ERC1: variants seen among roughly 807,000 people sequenced by gnomAD.
The protein encoded by ERC1 is ELKS/RAB6-interacting/CAST family member 1.
A neutral mutation model predicts 132.0 loss-of-function variants in ERC1; 56 were observed. The observed-to-expected ratio is 0.42, with a 90% CI of 0.34 to 0.53. The LOEUF is 0.53. ERC1 is among the 20% of genes least tolerant of loss of function. The pLI, the probability that ERC1 is intolerant of heterozygous loss-of-function variation, is 0.03. For missense variants in ERC1, 1,202 were observed against 1,349.9 expected (o/e 0.89, Z 1.72); for synonymous variants, 478 against 476.1 (o/e 1.00, Z -0.05).
intron 15 of ERC1, among the ~76,000 whole-genome samples, chr12:1,314,447 T>G (rs2081544279): frequency 6.6e-6 from 1 of 152,188 alleles, no homozygotes; most frequent in Non-Finnish European, 1.5e-5. Flanking sequence ...AACAAGTATT[T>G]GAGTGTAAAG....
At chr12:1,126,150 A>G (rs1402419409) in intron 7 of ERC1, among the ~76,000 whole-genome samples, 1 of 152,242 alleles carries the variant, frequency 6.6e-6, no homozygotes, top group Non-Finnish European at 1.5e-5. Flanking sequence ...TACCTCTATT[A>G]AATTTTTAAA....
intron 8 of ERC1, among the ~76,000 whole-genome samples, chr12:1,144,707 T>TG (rs1241408741): frequency 1.3e-5 from 2 of 148,534 alleles, no homozygotes; most frequent in Admixed American, 1.3e-4. Context: ...GGTGGGCATT[T>TG]GGGCTGGTTC....
chr12:1,144,401 C>A (rs1470388042), intron 8 of ERC1, among the ~76,000 whole-genome samples: 1 of 151,978 alleles, frequency 6.6e-6, no homozygotes, highest in East Asian at 1.9e-4. Flanking sequence ...TATCCCTCAC[C>A]CATTCCCACT....
intron 12 of ERC1, among the ~76,000 whole-genome samples, chr12:1,207,137 C>T (rs1957417597): frequency 6.6e-6 from 1 of 152,108 alleles, no homozygotes; most frequent in African/African-American, 2.4e-5. Context: ...TTTCTAAAAT[C>T]TAATTCAAAT....
chr12:1,442,967 G>A (rs918527523), intron 17 of ERC1, among the ~76,000 whole-genome samples: 2 of 152,066 alleles, frequency 1.3e-5, no homozygotes, highest in African/African-American at 4.8e-5. Flanking sequence ...GAGTGCAGTG[G>A]TGTGATCTCG....
chr12:1,236,904 G>C lies in ERC1; in HGVS notation c.2487G>C (p.Gln829His), dbSNP rs750847414. The change falls in exon 13 of 19, where the codon CAG (glutamine) becomes CAC (histidine). Residue 829 changes from glutamine (Q) to histidine (H), a missense_variant and splice_region_variant. Physicochemically the swap from Gln to His is conservative, Grantham distance 24. Coordinates refer to ENST00000360905, the MANE Select transcript of ERC1 (RefSeq NM_178040.4). ...DNLNDSSQQL[Q>H]DSLRKKDDRI... ...TCAACGACAGCTCTCAGCAGCTACA[G>C]GTTAGAACACAAGGAGAATCTGAAA... is the stretch of plus-strand genomic sequence containing the variant. 2 of 1,613,780 alleles carry C rather than the reference G, an allele frequency of 1.2e-6. No individual in the cohort carries two copies. Among genetic ancestry groups the C allele is most frequent in the South Asian group, 1.1e-5 (1 of 91,044 alleles).
intron 15 of ERC1, among the ~76,000 whole-genome samples, chr12:1,358,418 T>TA (rs1389701349): frequency 6.6e-6 from 1 of 152,104 alleles, no homozygotes; most frequent in African/African-American, 2.4e-5. Context: ...TTTATATACT[T>TA]ATTGGATTAG....
chr12:1,298,141 G>A (rs1457096314), intron 15 of ERC1, among the ~76,000 whole-genome samples: 1 of 152,188 alleles, frequency 6.6e-6, no homozygotes, highest in Non-Finnish European at 1.5e-5. Context: ...AGATTACGAA[G>A]TGTTCGATGT....
chr12:1,168,367 A>G lies in ERC1; in HGVS notation c.1738-12173A>G, dbSNP rs185428792. Reference sequence around the variant, plus strand: ...TCAAACTCCTGGGATCAAGTGATCTACCCGCGTCAGCCTTATGAAGTGCTG... The same window carrying G: ...TCAAACTCCTGGGATCAAGTGATCTGCCCGCGTCAGCCTTATGAAGTGCTG... On this transcript the variant is annotated intron_variant, in intron 8 of 18. Coordinates refer to ENST00000360905, the MANE Select transcript of ERC1 (RefSeq NM_178040.4). Among the ~76,000 whole-genome samples, 362 of 151,768 alleles carry G rather than the reference A, an allele frequency of 2.4e-3. 1 individual carries two copies. The highest frequency in any genetic ancestry group is 7.6e-3 in the African/African-American group (316 of 41,328).
chr12:1,159,279 G>T (rs926545279), intron 8 of ERC1, among the ~76,000 whole-genome samples: 1 of 152,124 alleles, frequency 6.6e-6, no homozygotes, highest in Non-Finnish European at 1.5e-5. Flanking sequence ...GGATGAAACT[G>T]TCCCACGTCA....
At chr12:1,219,142 G>C (rs1958718785) in intron 12 of ERC1, among the ~76,000 whole-genome samples, 1 of 152,046 alleles carries the variant, frequency 6.6e-6, no homozygotes, top group South Asian at 2.1e-4. Flanking sequence ...CAAAGTGCTG[G>C]AATTACAGGC....
At chr12:1,260,751 T>C (rs1234140164) in intron 13 of ERC1, among the ~76,000 whole-genome samples, 1 of 152,240 alleles carries the variant, frequency 6.6e-6, no homozygotes, top group Non-Finnish European at 1.5e-5. Context: ...TGTATTTTAC[T>C]ATCCTAGTTT....
intron 15 of ERC1, among the ~76,000 whole-genome samples, chr12:1,329,918 G>A (rs1283099120): frequency 6.6e-6 from 1 of 152,108 alleles, no homozygotes; most frequent in African/African-American, 2.4e-5. Context: ...AGTGTGCTTG[G>A]TTTCTCCTTT....
chr12:1,050,777 G>A (rs1325988989), intron 2 of ERC1, among the ~76,000 whole-genome samples: 1 of 151,966 alleles, frequency 6.6e-6, no homozygotes, highest in African/African-American at 2.4e-5. Context: ...AGGCCGAGGC[G>A]GGTTGATCAC....
chr12:1,326,903 T>A (rs1041430335), intron 15 of ERC1, among the ~76,000 whole-genome samples: 1 of 151,952 alleles, frequency 6.6e-6, no homozygotes, highest in African/African-American at 2.4e-5. Context: ...TTTTTTTTAA[T>A]AATGCCAAAA....
intron 17 of ERC1, among the ~76,000 whole-genome samples, chr12:1,422,481 C>T (rs1346607401): frequency 3.3e-5 from 5 of 152,080 alleles, no homozygotes; most frequent in African/African-American, 9.7e-5. Flanking sequence ...TTTCACTTAA[C>T]ATATTGTCCT....
rs1239805138 is a variant in ERC1, at chr12:1,028,400, A to T, written c.497A>T (p.Asp166Val). Residue 166 changes from aspartate to valine, a missense_variant, in exon 2 of 19, where the codon GAT (aspartate) becomes GTT (valine). Coordinates refer to ENST00000360905, the MANE Select transcript of ERC1 (RefSeq NM_178040.4). ...CTGAAGGAAGTATTAAGAGAAAATGATCTCTTGCGGAAGGATGTGGAAGTA... is the reference window on the plus strand; with the variant it reads ...CTGAAGGAAGTATTAAGAGAAAATGTTCTCTTGCGGAAGGATGTGGAAGTA... ...TQLKEVLREN[D>V]LLRKDVEVKE... The T allele has an allele frequency of 6.2e-7, 1 of 1,614,114 alleles. No homozygotes were observed. The highest frequency in any genetic ancestry group is 8.5e-7 in the Non-Finnish European group (1 of 1,179,994).
At chr12:1,484,550 T>C (rs2094167910) in intron 18 of ERC1, among the ~76,000 whole-genome samples, 1 of 151,986 alleles carries the variant, frequency 6.6e-6, no homozygotes, top group Admixed American at 6.6e-5. Context: ...TTTATATTTC[T>C]TGTTCGTTTG....
At chr12:1,427,317 G>A (rs775931771) in intron 17 of ERC1, among the ~76,000 whole-genome samples, 11 of 152,122 alleles carry the variant, frequency 7.2e-5, no homozygotes, top group Non-Finnish European at 1.3e-4. Flanking sequence ...TTTTACATGA[G>A]GAAGTTGGAT....
Sources: allele counts gnomAD v4.1 joint callset (sites outside exome capture counted in the v4.1 genomes callset), GRCh38; gene constraint gnomAD v4.1.1; transcripts MANE v1.5; gene names NCBI Gene and HGNC (gene_info 2026-07-23, HGNC 2026-07-21).